TTLL9: variants seen among roughly 807,000 people sequenced by gnomAD.
TTLL9 encodes tubulin tyrosine ligase like 9, also known as probable tubulin polyglutamylase TTLL9.
Under a neutral mutation model 65.6 loss-of-function variants are expected in TTLL9, and 47 were observed. The ratio of observed to expected loss-of-function variants is 0.72; its 90% CI spans 0.57 to 0.91. The LOEUF (loss-of-function observed/expected upper bound fraction) is 0.91, where lower values mean the gene tolerates loss of function less well. Ranked by LOEUF, TTLL9 falls within the 40% of genes least tolerant of loss-of-function variation. The pLI is 0.00. For missense variants in TTLL9, 537 were observed against 568.8 expected, an observed-to-expected ratio of 0.94 and a Z score of 0.57; for synonymous variants, 179 against 204.8, an observed-to-expected ratio of 0.87 and a Z score of 1.07.
chr20:31,916,607 TAGA>T (rs1365998170), intron 6 of TTLL9, among the ~76,000 whole-genome samples: 1 of 152,156 alleles, frequency 6.6e-6, no homozygotes, highest in Non-Finnish European at 1.5e-5. Flanking sequence ...GGGGATGTGC[TAGA>T]TGATGCCACT....
chr20:31,884,933 A>G (rs2063167107), intron 2 of TTLL9, among the ~76,000 whole-genome samples: 1 of 152,262 alleles, frequency 6.6e-6, no homozygotes, highest in South Asian at 2.1e-4. Context: ...ATCAGCAGGT[A>G]GAAAACGAAA....
At chr20:31,890,197 C>CTTTCTTTCTTTCTT (rs2063286941) in intron 3 of TTLL9, among the ~76,000 whole-genome samples, 1 of 127,872 alleles carries the variant, frequency 7.8e-6, no homozygotes, top group South Asian at 2.5e-4. Context: ...TTCTTTCTTT[C>CTTTCTTTCTTTCTT]TTTCTCTTTC....
At chr20:31,939,351 GT>G in intron 14 of TTLL9, 85 bp downstream of exon 14, 1 of 1,500,826 alleles carries the variant, frequency 6.7e-7, no homozygotes, top group Non-Finnish European at 9.0e-7. Context: ...TGGGATAGTG[GT>G]TAGATTGTTT....
chr20:31,903,776 C>T (rs1393005062), intron 4 of TTLL9, among the ~76,000 whole-genome samples: 1 of 152,168 alleles, frequency 6.6e-6, no homozygotes, highest in African/African-American at 2.4e-5. Flanking sequence ...GTTTTACCAC[C>T]TTTCCCTGTT....
intron 14 of TTLL9, chr20:31,941,308 T>C (rs1230333269): frequency 1.3e-5 from 2 of 151,698 alleles, no homozygotes; most frequent in Non-Finnish European, 2.9e-5. Context: ...GGTGTGCATA[T>C]AGGAACATTG....
At chr20:31,875,738 G>A (rs2063029808) in intron 2 of TTLL9, among the ~76,000 whole-genome samples, 1 of 152,124 alleles carries the variant, frequency 6.6e-6, no homozygotes, top group African/African-American at 2.4e-5. Flanking sequence ...TTAAATCCAG[G>A]TAAGGATATT....
chr20:31,870,645 C>A lies in TTLL9; in HGVS notation c.-310C>A. The stretch of plus-strand genomic sequence containing the variant: ...CCGGACAAAGCCCCAGTGTGCCGGG[C>A]CCACGGCCCGCGGGACAACGGCAGT... On this transcript the variant is annotated 5_prime_UTR_variant, in exon 1 of 15. Coordinates refer to ENST00000535842, the MANE Select transcript of TTLL9 (RefSeq NM_001008409.5). This position sits in a 1 kb window ranked among gnomAD's most constrained non-coding sequence, Gnocchi z 6.6. The A allele has an allele frequency of 7.7e-7, 1 of 1,291,364 alleles. No homozygotes were observed. 80.0% of individuals were successfully genotyped at this position (1,291,364 alleles called of 1,614,324 possible).
At chr20:31,871,316 G>T in intron 2 of TTLL9, 121 bp downstream of exon 2, 1 of 995,242 alleles carries the variant, frequency 1.0e-6, no homozygotes, top group Non-Finnish European at 1.6e-6. Flanking sequence ...TTGAGGCCCT[G>T]TTCACCTCTG....
At chr20:31,901,829 G>A (rs563869360) in intron 4 of TTLL9, among the ~76,000 whole-genome samples, 17 of 152,236 alleles carry the variant, frequency 1.1e-4, no homozygotes, top group Admixed American at 7.8e-4. Flanking sequence ...GCCTCTACTG[G>A]ATCACGTGGC....
chr20:31,896,549 T>C (rs1262090559), intron 3 of TTLL9, among the ~76,000 whole-genome samples: 1 of 152,098 alleles, frequency 6.6e-6, no homozygotes, highest in Non-Finnish European at 1.5e-5. Context: ...TGGTTTTTTT[T>C]GAGACAGTCT....
At chr20:31,890,653 G>C (rs552811726) in intron 3 of TTLL9, among the ~76,000 whole-genome samples, 1 of 152,180 alleles carries the variant, frequency 6.6e-6, no homozygotes, top group African/African-American at 2.4e-5. Context: ...GTGCATCATC[G>C]ACAGGTAATT....
At chr20:31,936,300 CATAAAA>C (rs2064108152) in intron 12 of TTLL9, among the ~76,000 whole-genome samples, 1 of 152,062 alleles carries the variant, frequency 6.6e-6, no homozygotes, top group Non-Finnish European at 1.5e-5. Context: ...AAGATGTTTA[CATAAAA>C]ATCAGAATTA....
At chr20:31,892,840 C>G (rs1361128294) in intron 3 of TTLL9, among the ~76,000 whole-genome samples, 2 of 152,216 alleles carry the variant, frequency 1.3e-5, no homozygotes, top group East Asian at 3.8e-4. Flanking sequence ...ACTAAGAACC[C>G]TACAGCAACA....
chr20:31,873,815 AG>A (rs1408435657), intron 2 of TTLL9, among the ~76,000 whole-genome samples: 53 of 78,724 alleles, frequency 6.7e-4, no homozygotes, highest in African/African-American at 1.5e-3. Context: ...GAAGGAAGGA[AG>A]GAAGGAAGAA....
rs989823327 is a variant in TTLL9 at position 31,937,884 on chromosome 20, A to G, written c.1118+375A>G. On this transcript the variant is annotated intron_variant, in intron 13 of 14. Transcript: ENST00000535842. ...TGTTAATTTACAAAGATAATTTACT[A>G]TCTAGTGCTTAGCTAACAGTAAGTG... is the stretch of plus-strand genomic sequence containing the variant. Among the ~76,000 whole-genome samples the G allele has an allele frequency of 2.6e-5, 4 of 151,918 alleles. No homozygotes were observed. The South Asian group carries it at 6.2e-4, about 24-fold the overall frequency.
chr20:31,919,963 A>G, intron 7 of TTLL9, 31 bp downstream of exon 7: 1 of 1,549,804 alleles, frequency 6.5e-7, no homozygotes, highest in Non-Finnish European at 8.7e-7. Flanking sequence ...TTCCTCCCTG[A>G]ACCCTCCTCT....
At chr20:31,933,957 G>A in intron 11 of TTLL9, 99 bp downstream of exon 11, 1 of 1,301,414 alleles carries the variant, frequency 7.7e-7, no homozygotes, top group Non-Finnish European at 1.0e-6. Flanking sequence ...AGGCCTGTCT[G>A]AGCCTGTGTT....
intron 3 of TTLL9, among the ~76,000 whole-genome samples, chr20:31,888,838 C>A (rs1330082149): frequency 6.6e-6 from 1 of 152,020 alleles, no homozygotes; most frequent in Non-Finnish European, 1.5e-5. Flanking sequence ...TTTTAAACAA[C>A]CAGATCTCCC....
chr20:31,898,271 G>A (rs1568768377), intron 3 of TTLL9, among the ~76,000 whole-genome samples: 1 of 152,132 alleles, frequency 6.6e-6, no homozygotes, highest in African/African-American at 2.4e-5. Context: ...TACAATGATC[G>A]TTATTTTTCA....
Sources: gnomAD v4.1 joint callset for allele counts (sites outside exome capture counted in the v4.1 genomes callset) on GRCh38, gnomAD v4.1.1 for gene constraint, Gnocchi (gnomAD v3.1) non-coding constraint, MANE v1.5 for transcripts, NCBI Gene and HGNC (gene_info 2026-07-23, HGNC 2026-07-21) for gene names.